AIDA: variants seen among roughly 807,000 people sequenced by gnomAD.
The protein encoded by AIDA is axin interactor, dorsalization-associated protein.
AIDA carries 18 observed loss-of-function variants against 42.7 expected under a neutral mutation model. That is an observed-to-expected ratio of 0.42 (90% CI 0.29 to 0.63). The LOEUF is 0.63. AIDA is among the 20% of genes least tolerant of loss of function. The pLI is 0.19. For synonymous variants in AIDA, 104 were observed against 122.9 expected (o/e 0.85, Z 1.02); for missense variants, 250 against 354.1 (o/e 0.71, Z 2.36).
intron 6 of AIDA, among the ~76,000 whole-genome samples, chr1:222,683,817 A>G (rs1664694498): frequency 6.6e-6 from 1 of 152,210 alleles, no homozygotes; most frequent in Non-Finnish European, 1.5e-5. Context: ...CATTTTGGCT[A>G]AGCCAATTAT....
intron 5 of AIDA, 163 bp from the exon 6 acceptor site, chr1:222,687,199 G>A: frequency 1.5e-6 from 1 of 656,558 alleles, no homozygotes; most frequent in Non-Finnish European, 1.9e-6. Flanking sequence ...GGAGGCCGAG[G>A]CGGGCAGACT....
Position 222,673,357 on chromosome 1 carries a change from T to C in AIDA, c.662A>G (p.Asn221Ser), listed in dbSNP as rs1664483354. ...SRKEDTYVHF[N>S]VDIELQKHVE... ...ATGCTTCTGGAGCTCAATGTCCACA[T>C]TAAAATGAACATATGTATCTTCTTT... is the stretch of plus-strand genomic sequence containing the variant. Residue 221 changes from asparagine (N) to serine (S), a missense_variant, in exon 8 of 10, where the codon AAT becomes AGT. Around this residue, in one of 4 missense-constraint regions of AIDA, gnomAD observed 199 missense variants for 232.6 expected, o/e 0.86. Coordinates refer to ENST00000340020, the MANE Select transcript of AIDA (RefSeq NM_022831.4). 6 of 1,610,762 alleles carry C rather than the reference T, an allele frequency of 3.7e-6. No homozygotes were observed. The East Asian group carries it at 8.9e-5, about 24-fold the overall frequency.
At chr1:222,709,412 C>T (rs182095859) in intron 1 of AIDA, among the ~76,000 whole-genome samples, 156 of 151,994 alleles carry the variant, frequency 1.0e-3, no homozygotes, top group African/African-American at 3.2e-3. Flanking sequence ...GCCTGGGTGA[C>T]AGAGCAAGAC....
At chr1:222,674,945 G>C (rs1054091683) in intron 7 of AIDA, among the ~76,000 whole-genome samples, 1 of 152,150 alleles carries the variant, frequency 6.6e-6, no homozygotes, top group Non-Finnish European at 1.5e-5. Flanking sequence ...ATTCCTGCAT[G>C]AGTTACGCAG....
chr1:222,676,264 T>C (rs375245009), intron 6 of AIDA, 46 bp from the exon 7 acceptor site: 45 of 1,559,422 alleles, frequency 2.9e-5, no homozygotes, highest in Non-Finnish European at 3.8e-5. Context: ...CATTTCACAG[T>C]AAACATTTTA....
At chr1:222,706,760 C>T (rs995867735) in intron 1 of AIDA, among the ~76,000 whole-genome samples, 1 of 150,512 alleles carries the variant, frequency 6.6e-6, no homozygotes, top group Admixed American at 6.6e-5. Context: ...ATCCCAGCTA[C>T]TCAGGAGGCT....
chr1:222,675,893 T>C (rs1664534328), intron 7 of AIDA, among the ~76,000 whole-genome samples: 1 of 152,050 alleles, frequency 6.6e-6, no homozygotes, highest in Non-Finnish European at 1.5e-5. Flanking sequence ...AAGTTATAAA[T>C]AAGAAAATAA....
intron 2 of AIDA, among the ~76,000 whole-genome samples, chr1:222,700,941 T>C (rs1025522666): frequency 2.1e-5 from 3 of 141,454 alleles, no homozygotes; most frequent in African/African-American, 7.9e-5. Context: ...GTCTAATCAT[T>C]ATACGATAGA....
At chr1:222,684,108 A>G (rs914405423) in intron 6 of AIDA, among the ~76,000 whole-genome samples, 1 of 151,948 alleles carries the variant, frequency 6.6e-6, no homozygotes. Flanking sequence ...ATTAAAAAGA[A>G]TGAATTTCTT....
At chr1:222,709,112 A>G (rs1465390191) in intron 1 of AIDA, among the ~76,000 whole-genome samples, 2 of 152,154 alleles carry the variant, frequency 1.3e-5, no homozygotes, top group Admixed American at 6.5e-5. Flanking sequence ...AAGACAGTAA[A>G]CAAAACAAAA....
At chr1:222,703,295 T>G (rs1655760222) in intron 1 of AIDA, 78 bp from the exon 2 acceptor site, 2 of 1,116,158 alleles carry the variant, frequency 1.8e-6, no homozygotes, top group Non-Finnish European at 2.6e-6. Flanking sequence ...TAAAGCTTTT[T>G]AACATGTGAA....
chr1:222,703,414 T>C (rs1278838516), intron 1 of AIDA, among the ~76,000 whole-genome samples, 197 bp from the exon 2 acceptor site: 1 of 152,082 alleles, frequency 6.6e-6, no homozygotes, highest in Non-Finnish European at 1.5e-5. Context: ...GATACAATAC[T>C]TTTCATACCA....
chr1:222,689,257 G>A (rs1011117317), intron 4 of AIDA, among the ~76,000 whole-genome samples: 1 of 151,374 alleles, frequency 6.6e-6, no homozygotes, highest in South Asian at 2.1e-4. Context: ...GGCCAACACA[G>A]TGAAACCCCA....
chr1:222,702,003 C>T (rs2804723), intron 2 of AIDA, among the ~76,000 whole-genome samples: 53 of 148,948 alleles, frequency 3.6e-4, no homozygotes, highest in African/African-American at 1.2e-3. Flanking sequence ...GGATTACAGG[C>T]GTAAGCTACC....
chr1:222,671,550 C>T (rs1664449337), intron 8 of AIDA, among the ~76,000 whole-genome samples: 1 of 152,054 alleles, frequency 6.6e-6, no homozygotes, highest in Admixed American at 6.5e-5. Flanking sequence ...AATGTGTGTA[C>T]AGCATTGGCA....
chr1:222,677,185 G>A (rs1664560898), intron 6 of AIDA, among the ~76,000 whole-genome samples: 1 of 151,872 alleles, frequency 6.6e-6, no homozygotes, highest in Non-Finnish European at 1.5e-5. Flanking sequence ...TTCATTTTCT[G>A]AGCACTTATT....
At chr1:222,670,893 T>C (rs1664434813) in intron 8 of AIDA, among the ~76,000 whole-genome samples, 1 of 152,134 alleles carries the variant, frequency 6.6e-6, no homozygotes, top group South Asian at 2.1e-4. Flanking sequence ...ATTCTGCCAC[T>C]CTCCTCCAAT....
chr1:222,686,367 G>A (rs1158481271), intron 6 of AIDA, among the ~76,000 whole-genome samples: 1 of 152,162 alleles, frequency 6.6e-6, no homozygotes, highest in African/African-American at 2.4e-5. Context: ...AATATGGTTT[G>A]TGCTAAACAT....
chr1:222,707,908 A>C lies in AIDA; in HGVS notation c.110+4300T>G, dbSNP rs550834218. Reference sequence around the variant, plus strand: ...TGTCAAATTGCTATAAAGTTTCCACATGCTCTCAATTTCTTTCCTTATCTT... The same window carrying C: ...TGTCAAATTGCTATAAAGTTTCCACCTGCTCTCAATTTCTTTCCTTATCTT... On this transcript the variant is annotated intron_variant, in intron 1 of 9. Coordinates refer to ENST00000340020, the MANE Select transcript of AIDA (RefSeq NM_022831.4). Among the ~76,000 whole-genome samples, 40 of 152,358 alleles carry C rather than the reference A, an allele frequency of 2.6e-4. 1 individual carries two copies. The East Asian group carries it at 6.6e-3, about 25-fold the overall frequency.
Sources: allele counts gnomAD v4.1 joint callset (sites outside exome capture counted in the v4.1 genomes callset), GRCh38; gene constraint gnomAD v4.1.1; regional missense constraint gnomAD v4.1.1; transcripts MANE v1.5; gene names NCBI Gene and HGNC (gene_info 2026-07-23, HGNC 2026-07-21).